The following HECW1 variants were observed in gnomAD, a reference collection of about 807,000 sequenced individuals.
HECW1 encodes E3 ubiquitin-protein ligase HECW1.
HECW1 carries 61 observed loss-of-function variants against 182.3 expected under a neutral mutation model. That is an observed-to-expected ratio of 0.33 (90% CI 0.27 to 0.41). The LOEUF is 0.41. HECW1 is among the 10% of genes least tolerant of loss of function. The pLI, the probability that HECW1 is intolerant of heterozygous loss-of-function variation, is 1.00. For missense variants in HECW1, 1,739 were observed against 2,108.9 expected, an observed-to-expected ratio of 0.82 and a Z score of 3.44; for synonymous variants, 859 against 832.6, an observed-to-expected ratio of 1.03 and a Z score of -0.55.
intron 26 of HECW1, among the ~76,000 whole-genome samples, chr7:43,548,192 G>A (rs962616160): frequency 1.3e-5 from 2 of 152,114 alleles, no homozygotes; most frequent in African/African-American, 4.8e-5. Context: ...GTTAGTAAAT[G>A]ATAAAATAGA....
intron 3 of HECW1, among the ~76,000 whole-genome samples, chr7:43,296,723 A>G (rs1806100613): frequency 6.6e-6 from 1 of 152,226 alleles, no homozygotes. Flanking sequence ...GAGTTCATTT[A>G]GAAATGAACT....
intron 3 of HECW1, among the ~76,000 whole-genome samples, chr7:43,309,677 C>A (rs999482030): frequency 1.3e-5 from 2 of 152,184 alleles, no homozygotes; most frequent in African/African-American, 4.8e-5. Context: ...CCCTGAGCAC[C>A]AGTATATAGA....
At chr7:43,208,989 G>T (rs1314021267) in intron 2 of HECW1, among the ~76,000 whole-genome samples, 1 of 152,100 alleles carries the variant, frequency 6.6e-6, no homozygotes, top group African/African-American at 2.4e-5. Flanking sequence ...TTCATTCCTG[G>T]CACCTCTTTT....
chr7:43,194,996 C>T (rs949028452), intron 2 of HECW1, among the ~76,000 whole-genome samples: 1 of 152,108 alleles, frequency 6.6e-6, no homozygotes, highest in African/African-American at 2.4e-5. Context: ...TACCTCATCT[C>T]AGGCAGGTCA....
At chr7:43,466,281 AATG>A (rs1447636215) in intron 14 of HECW1, among the ~76,000 whole-genome samples, 163 bp from the exon 15 acceptor site, 1 of 152,212 alleles carries the variant, frequency 6.6e-6, no homozygotes, top group African/African-American at 2.4e-5. Context: ...CTACTAAGGA[AATG>A]ATGATTCTTA....
chr7:43,319,220 T>C (rs928179035), intron 4 of HECW1, among the ~76,000 whole-genome samples: 1 of 151,484 alleles, frequency 6.6e-6, no homozygotes, highest in Admixed American at 6.6e-5. Context: ...ACCCCGTCTC[T>C]ACTAAAAATA....
Position 43,243,759 on chromosome 7 carries a change from C to T in HECW1, c.-31-116C>T. On this transcript the variant is annotated intron_variant, in intron 2 of 29. Transcript: ENST00000395891. The surrounding 1 kb of genome is among the most constrained non-coding windows in gnomAD (Gnocchi z 4.0). ...GATTTTTCCTTTTGCACGTCGGTTG[C>T]CCAGGCCAGGTATCTTGGCGGGGGT... The T allele has an allele frequency of 1.2e-6, 1 of 804,568 alleles. No individual in the cohort carries two copies. The highest frequency in any genetic ancestry group is 1.4e-5 in the South Asian group (1 of 71,444). The allele number at this position is 804,568 out of a possible 1,614,324, so 49.8% of individuals were successfully genotyped here.
intron 5 of HECW1, among the ~76,000 whole-genome samples, chr7:43,339,192 T>C (rs1440621257): frequency 6.6e-6 from 1 of 152,240 alleles, no homozygotes; most frequent in Non-Finnish European, 1.5e-5. Flanking sequence ...TGAGAAGCTA[T>C]TATCTTCTCA....
At chr7:43,421,601 G>A (rs1006495654) in intron 8 of HECW1, among the ~76,000 whole-genome samples, 1 of 152,070 alleles carries the variant, frequency 6.6e-6, no homozygotes, top group Non-Finnish European at 1.5e-5. Flanking sequence ...GAAACCAACA[G>A]AAAAATGGAA....
intron 5 of HECW1, among the ~76,000 whole-genome samples, chr7:43,321,715 AT>A (rs1243204940): frequency 1.3e-5 from 2 of 152,234 alleles, no homozygotes; most frequent in South Asian, 4.1e-4. Context: ...GAAGTTATCC[AT>A]TGGCATTTGA....
At chr7:43,556,719 A>G (rs916456075) in intron 29 of HECW1, among the ~76,000 whole-genome samples, 3 of 151,992 alleles carry the variant, frequency 2.0e-5, no homozygotes, top group Non-Finnish European at 2.9e-5. Context: ...AGAAAGAAAA[A>G]AGAAAAGACC....
In HECW1 at chr7:43,500,731, A is replaced by C; in HGVS notation, c.3470A>C (p.Asn1157Thr). 1.2e-6 allele frequency: 2 copies of C among 1,613,924 alleles called. No homozygotes were observed. The highest frequency in any genetic ancestry group is 1.7e-6 in the Non-Finnish European group (2 of 1,179,824). ...ATCCATTACATTCGGACTGAGGGTAATCACGGGCTTGAGAAGTTGTCCTGT... is the reference window on the plus strand; with the variant it reads ...ATCCATTACATTCGGACTGAGGGTACTCACGGGCTTGAGAAGTTGTCCTGT... ...EKIHYIRTEG[N>T]HGLEKLSCDA... Residue 1157 changes from asparagine (N) to threonine (T), a missense_variant, in exon 20 of 30, where the codon AAT (asparagine) becomes ACT (threonine). Physicochemically the swap from Asn to Thr is moderately conservative, Grantham distance 65. This residue lies in a region of HECW1 where 420 missense variants were observed against 595.7 expected (regional missense o/e 0.71). Coordinates refer to ENST00000395891, the MANE Select transcript of HECW1 (RefSeq NM_015052.5).
intron 17 of HECW1, among the ~76,000 whole-genome samples, chr7:43,488,756 T>G (rs765160765): frequency 8.5e-5 from 13 of 152,264 alleles, no homozygotes; most frequent in Non-Finnish European, 1.8e-4. Flanking sequence ...TTCCATCCAA[T>G]CCTCCTGTTC....
chr7:43,171,604 C>A (rs897212352), intron 2 of HECW1, among the ~76,000 whole-genome samples: 4 of 152,114 alleles, frequency 2.6e-5, no homozygotes, highest in African/African-American at 9.7e-5. Context: ...TTAACAGATG[C>A]ATGCAGTACA....
intron 2 of HECW1, among the ~76,000 whole-genome samples, chr7:43,191,828 T>A (rs1008321528): frequency 1.2e-4 from 19 of 152,338 alleles, no homozygotes; most frequent in African/African-American, 4.1e-4. Context: ...ACTCATATTA[T>A]GCAGTAGAAT....
intron 5 of HECW1, 44 bp downstream of exon 5, chr7:43,320,786 A>G (rs1810009553): frequency 7.2e-7 from 1 of 1,394,758 alleles, no homozygotes; most frequent in Non-Finnish European, 1.0e-6. Flanking sequence ...ACATGGATGA[A>G]GCAGAATTCA....
chr7:43,279,727 G>A (rs1803651579), intron 3 of HECW1, among the ~76,000 whole-genome samples: 1 of 152,102 alleles, frequency 6.6e-6, no homozygotes, highest in African/African-American at 2.4e-5. Flanking sequence ...TATGGCACCT[G>A]ATTTTTTTCC....
At chr7:43,215,966 T>C (rs996704730) in intron 2 of HECW1, among the ~76,000 whole-genome samples, 2 of 152,150 alleles carry the variant, frequency 1.3e-5, no homozygotes, top group Non-Finnish European at 2.9e-5. Flanking sequence ...CCACTGTAGT[T>C]TCTTCAAACT....
chr7:43,304,808 A>C (rs988802856), intron 3 of HECW1, among the ~76,000 whole-genome samples: 2 of 152,206 alleles, frequency 1.3e-5, no homozygotes, highest in African/African-American at 4.8e-5. Context: ...CAAAGTATTT[A>C]CTGAGCATCA....
Sources: allele counts gnomAD v4.1 joint callset (sites outside exome capture counted in the v4.1 genomes callset), GRCh38; gene constraint gnomAD v4.1.1; regional missense constraint gnomAD v4.1.1; non-coding constraint Gnocchi (gnomAD v3.1); transcripts MANE v1.5; gene names NCBI Gene and HGNC (gene_info 2026-07-23, HGNC 2026-07-21).